The following PCCA variants were observed in gnomAD, a reference collection of about 807,000 sequenced individuals.
PCCA encodes propionyl-CoA carboxylase subunit alpha.
A neutral mutation model predicts 101.3 loss-of-function variants in PCCA; 74 were observed. The observed-to-expected ratio is 0.73, with a 90% confidence interval of 0.61 to 0.89. PCCA has a LOEUF of 0.89. Among genes scored for constraint, PCCA ranks in the 40% least tolerant of loss-of-function variants. The pLI, the probability that PCCA is intolerant of heterozygous loss-of-function variation, is 0.00. For synonymous variants in PCCA, 294 were observed against 313.6 expected, an observed-to-expected ratio of 0.94 and a Z score of 0.66; for missense variants, 891 against 907.0, an observed-to-expected ratio of 0.98 and a Z score of 0.23.
At chr13:100,366,552 A>T (rs1046380371) in intron 18 of PCCA, among the ~76,000 whole-genome samples, 1 of 152,110 alleles carries the variant, frequency 6.6e-6, no homozygotes, top group Non-Finnish European at 1.5e-5. Context: ...AGGTGCTAAG[A>T]AAAAAAAGAG....
intron 12 of PCCA, among the ~76,000 whole-genome samples, chr13:100,284,249 C>G (rs2064394634): frequency 6.6e-6 from 1 of 152,130 alleles, no homozygotes; most frequent in Non-Finnish European, 1.5e-5. Context: ...CCTGAAAGTC[C>G]CACACCTTTA....
chr13:100,455,356 G>T (rs1364660593), intron 21 of PCCA, among the ~76,000 whole-genome samples: 1 of 152,134 alleles, frequency 6.6e-6, no homozygotes, highest in East Asian at 1.9e-4. Context: ...ACATCTTCCC[G>T]ACTTGTATCT....
At position 100,396,450 on chromosome 13, in the gene PCCA, A is replaced by G. The variant is rs529244383; in HGVS notation, c.1746+27876A>G. On this transcript the variant is annotated intron_variant, in intron 19 of 23. Coordinates refer to ENST00000376285, the MANE Select transcript of PCCA (RefSeq NM_000282.4). ...TTTCTCTTCCCTCTAAAACACGGAT[A>G]TTTTGCTTTTTAAAAGAAGCTAAAG... 3.3e-5 allele frequency among the ~76,000 whole-genome samples: 5 copies of G among 152,304 alleles called. No individual in the cohort carries two copies. The East Asian group carries it at 9.6e-4, about 29-fold the overall frequency.
At chr13:100,439,395 T>C (rs2080177913) in intron 20 of PCCA, among the ~76,000 whole-genome samples, 1 of 152,184 alleles carries the variant, frequency 6.6e-6, no homozygotes, top group Non-Finnish European at 1.5e-5. Flanking sequence ...GGCATATAAT[T>C]AAAGTGATGA....
intron 20 of PCCA, among the ~76,000 whole-genome samples, chr13:100,435,972 G>A: frequency 6.6e-6 from 1 of 152,032 alleles, no homozygotes; most frequent in Non-Finnish European, 1.5e-5. Context: ...GAACCCAGGA[G>A]GTGGAGGTTG....
intron 4 of PCCA, among the ~76,000 whole-genome samples, chr13:100,137,150 TTGG>T (rs1381736809): frequency 1.3e-5 from 2 of 152,150 alleles, no homozygotes; most frequent in African/African-American, 4.8e-5. Context: ...TTCCAAGCAT[TTGG>T]AGATTTTTCT....
At chr13:100,451,761 TG>T in intron 21 of PCCA, among the ~76,000 whole-genome samples, 1 of 118,296 alleles carries the variant, frequency 8.5e-6, no homozygotes, top group African/African-American at 3.4e-5. Context: ...TCTCCCTCTC[TG>T]TCCTCTTCCT....
intron 7 of PCCA, among the ~76,000 whole-genome samples, chr13:100,214,974 G>A (rs992129146): frequency 6.6e-6 from 1 of 152,108 alleles, no homozygotes; most frequent in African/African-American, 2.4e-5. Flanking sequence ...TGTTTTAAAT[G>A]GTTGGATTTT....
At chr13:100,136,059 CATT>C (rs2051124828) in intron 4 of PCCA, among the ~76,000 whole-genome samples, 1 of 151,610 alleles carries the variant, frequency 6.6e-6, no homozygotes, top group African/African-American at 2.4e-5. Context: ...TTTTTTACAT[CATT>C]ATTATGAGGG....
intron 22 of PCCA, 135 bp from the exon 23 acceptor site, chr13:100,527,540 C>CT: frequency 2.8e-6 from 2 of 710,018 alleles, no homozygotes; most frequent in Non-Finnish European, 5.2e-6. Flanking sequence ...GAATAGGAAA[C>CT]ATTAGAGATT....
intron 21 of PCCA, among the ~76,000 whole-genome samples, chr13:100,503,162 C>T (rs2085804970): frequency 6.6e-6 from 1 of 152,228 alleles, no homozygotes. Flanking sequence ...TTAAGATAAG[C>T]TAGCTAAGCA....
intron 19 of PCCA, among the ~76,000 whole-genome samples, chr13:100,406,249 A>G (rs2152862328): frequency 6.6e-6 from 1 of 152,362 alleles, no homozygotes; most frequent in Middle Eastern, 3.4e-3. Flanking sequence ...GCAAAAGAAA[A>G]ATGGATTCTT....
chr13:100,192,444 G>T (rs889548611), intron 6 of PCCA, among the ~76,000 whole-genome samples: 2 of 152,192 alleles, frequency 1.3e-5, no homozygotes, highest in Non-Finnish European at 2.9e-5. Context: ...ACTGTGTTAA[G>T]CAGACATCAA....
chr13:100,266,526 T>C (rs757814467), intron 10 of PCCA, among the ~76,000 whole-genome samples: 13 of 152,338 alleles, frequency 8.5e-5, no homozygotes, highest in Non-Finnish European at 1.6e-4. Context: ...TAAAGGGTAA[T>C]TAATAAAAAG....
chr13:100,232,605 TCCTAC>T (rs2060563218), intron 7 of PCCA, among the ~76,000 whole-genome samples: 1 of 152,094 alleles, frequency 6.6e-6, no homozygotes, highest in African/African-American at 2.4e-5. Context: ...AGTCTCAAAC[TCCTAC>T]CCTCAAGTGA....
chr13:100,301,611 G>C lies in PCCA; in HGVS notation c.1209+8G>C. ...TGTCGGGTTTATGCTGAGGTAAAAT[G>C]AATGGTGTTGGGAGGAAGGATGGTG... On this transcript the variant is annotated splice_region_variant and intron_variant, in intron 13 of 23. Transcript: ENST00000376285. 1 of 1,613,996 alleles carries C rather than the reference G, an allele frequency of 6.2e-7. No homozygotes were observed. The highest frequency in any genetic ancestry group is 8.5e-7 in the Non-Finnish European group (1 of 1,179,904).
intron 21 of PCCA, among the ~76,000 whole-genome samples, chr13:100,464,115 G>T (rs188389131): frequency 6.6e-6 from 1 of 152,336 alleles, no homozygotes. Context: ...GTAAAAATTA[G>T]ACATGGAATA....
intron 23 of PCCA, among the ~76,000 whole-genome samples, chr13:100,528,137 A>G (rs2088010801): frequency 6.6e-6 from 1 of 152,232 alleles, no homozygotes. Flanking sequence ...TAACTCTTCA[A>G]GACAATTTCT....
At chr13:100,510,561 C>G (rs1169289946) in intron 21 of PCCA, among the ~76,000 whole-genome samples, 1 of 152,164 alleles carries the variant, frequency 6.6e-6, no homozygotes, top group Non-Finnish European at 1.5e-5. Flanking sequence ...AAGAAAATAG[C>G]CTTTTGTCAT....
Sources: gnomAD v4.1 joint callset for allele counts (sites outside exome capture counted in the v4.1 genomes callset) on GRCh38, gnomAD v4.1.1 for gene constraint, MANE v1.5 for transcripts, NCBI Gene and HGNC (gene_info 2026-07-23, HGNC 2026-07-21) for gene names.